The following TENM3 variants were observed in gnomAD, a reference collection of about 807,000 sequenced individuals.
The protein encoded by TENM3 is teneurin transmembrane protein 3.
TENM3 carries 63 observed loss-of-function variants against 255.1 expected under a neutral mutation model. The ratio of observed to expected loss-of-function variants is 0.25; its 90% CI spans 0.20 to 0.30. TENM3 has a LOEUF of 0.30. Among genes scored for constraint, TENM3 ranks in the 10% least tolerant of loss-of-function variants. The probability of loss-of-function intolerance (pLI) is 1.00; values close to 1 mark genes in which losing one functional copy is unlikely to be tolerated. For missense variants in TENM3, 2,929 were observed against 3,461.1 expected, an observed-to-expected ratio of 0.85 and a Z score of 3.86; for synonymous variants, 1,306 against 1,322.3, an observed-to-expected ratio of 0.99 and a Z score of 0.27.
At chr4:181,840,795 T>C in the TENM3 span, among the ~76,000 whole-genome samples, 5 of 152,068 alleles carry the variant, frequency 3.3e-5, no homozygotes, top group African/African-American at 2.4e-5. Flanking sequence ...TTCTAGAAGA[T>C]AGGAGAACAC....
rs1321280958 is a variant in TENM3, at chr4:182,736,789, C to A, written c.2968-19C>A. 20 of 1,603,878 alleles carry A rather than the reference C, an allele frequency of 1.2e-5. No homozygotes were observed. The highest frequency in any genetic ancestry group is 1.7e-5 in the Non-Finnish European group (20 of 1,175,572). On this transcript the variant is annotated intron_variant, in intron 16 of 27. Transcript: ENST00000511685. ...CATACGTGATCACAGTTTGAAACTT[C>A]TGCTTTATTCAAACTTAGGTACTCC...
At chr4:181,530,827 G>A in the TENM3 span, among the ~76,000 whole-genome samples, 2 of 152,286 alleles carry the variant, frequency 1.3e-5, no homozygotes, top group South Asian at 2.1e-4. Context: ...ATGTATGTAC[G>A]TGGGTCATGT....
intron 3 of TENM3, among the ~76,000 whole-genome samples, chr4:182,570,583 C>G (rs1381917337): frequency 1.3e-5 from 2 of 152,216 alleles, no homozygotes; most frequent in African/African-American, 4.8e-5. Context: ...GGCGTGGTGG[C>G]TCACGCCTGT....
At chr4:182,031,142 G>C in the TENM3 span, among the ~76,000 whole-genome samples, 1 of 152,164 alleles carries the variant, frequency 6.6e-6, no homozygotes, top group Non-Finnish European at 1.5e-5. Context: ...CCTATGTCCT[G>C]AATGGTATTT....
intron 1 of TENM3, among the ~76,000 whole-genome samples, chr4:182,200,760 A>C (rs761674956): frequency 6.6e-6 from 1 of 151,818 alleles, no homozygotes. Context: ...GTCAATTGCT[A>C]TGAAATGAGC....
chr4:181,508,625 C>G, the TENM3 span, among the ~76,000 whole-genome samples: 4 of 152,242 alleles, frequency 2.6e-5, no homozygotes, highest in Admixed American at 2.6e-4. Context: ...AACTGTCCGT[C>G]GGCTCTGAAG....
chr4:181,496,618 T>C, the TENM3 span, among the ~76,000 whole-genome samples: 2 of 152,242 alleles, frequency 1.3e-5, no homozygotes, highest in African/African-American at 4.8e-5. Flanking sequence ...TCATAGTTTA[T>C]CTGAATTCAA....
At chr4:181,628,163 G>T in the TENM3 span, among the ~76,000 whole-genome samples, 2 of 152,030 alleles carry the variant, frequency 1.3e-5, no homozygotes, top group African/African-American at 4.8e-5. Context: ...TCCTATCCTT[G>T]GCCCACTTTT....
chr4:182,773,879 A>G lies in TENM3; in HGVS notation c.5068+232A>G, dbSNP rs185810164. ...TGGAATAGTGTCTGTTTCCATTCCC[A>G]TGTATTAAAACAACTTCATTCCAGC... On this transcript the variant is annotated intron_variant, in intron 23 of 27. Coordinates refer to ENST00000511685, the MANE Select transcript of TENM3 (RefSeq NM_001080477.4). The G allele has an allele frequency of 3.0e-3, 1,089 of 368,572 alleles. 7 individuals are homozygous for G. The highest frequency in any genetic ancestry group is 0.021 in the African/African-American group (1,012 of 48,168). 22.8% of individuals were successfully genotyped at this position (368,572 alleles called of 1,614,324 possible). A position where few individuals can be genotyped will look rare whatever the true frequency, so the allele number is the denominator to read the frequency against.
the TENM3 span, among the ~76,000 whole-genome samples, chr4:181,451,909 G>T: frequency 6.6e-6 from 1 of 151,902 alleles, no homozygotes; most frequent in Non-Finnish European, 1.5e-5. Flanking sequence ...GAGAACATAG[G>T]GAGATTTTTT....
intron 1 of TENM3, among the ~76,000 whole-genome samples, chr4:182,214,251 G>A (rs1168237354): frequency 6.6e-6 from 1 of 152,048 alleles, no homozygotes; most frequent in Non-Finnish European, 1.5e-5. Flanking sequence ...TACCCCTTAT[G>A]TTTCTTAAAT....
the TENM3 span, among the ~76,000 whole-genome samples, chr4:181,483,195 A>G: frequency 1.3e-5 from 2 of 152,136 alleles, no homozygotes; most frequent in Admixed American, 6.6e-5. Flanking sequence ...GTTTCAGACT[A>G]AATTGTCCAG....
chr4:181,452,162 G>A, the TENM3 span, among the ~76,000 whole-genome samples: 1 of 152,130 alleles, frequency 6.6e-6, no homozygotes, highest in Non-Finnish European at 1.5e-5. Flanking sequence ...TGATAGAAGA[G>A]TGGGCAAAAT....
At chr4:182,099,970 G>A in the TENM3 span, among the ~76,000 whole-genome samples, 1 of 152,100 alleles carries the variant, frequency 6.6e-6, no homozygotes, top group African/African-American at 2.4e-5. Context: ...TAAAACTCCT[G>A]TCCCGCAAGA....
intron 19 of TENM3, among the ~76,000 whole-genome samples, chr4:182,744,988 G>T (rs1160342263): frequency 2.0e-5 from 3 of 151,988 alleles, no homozygotes; most frequent in Non-Finnish European, 2.9e-5. Context: ...AGTAAAGCTG[G>T]CAAAAAGCTA....
the TENM3 span, among the ~76,000 whole-genome samples, chr4:181,991,228 A>T: frequency 1.3e-5 from 2 of 152,164 alleles, no homozygotes; most frequent in Admixed American, 6.6e-5. Flanking sequence ...ACAAATGAAA[A>T]AAATTGAGAA....
At chr4:182,787,414 T>A (rs1765754406) in intron 24 of TENM3, among the ~76,000 whole-genome samples, 1 of 152,064 alleles carries the variant, frequency 6.6e-6, no homozygotes, top group African/African-American at 2.4e-5. Flanking sequence ...TTTGCCCACA[T>A]CAGCTGATAG....
the TENM3 span, among the ~76,000 whole-genome samples, chr4:181,624,020 T>G: frequency 6.6e-6 from 1 of 152,208 alleles, no homozygotes; most frequent in East Asian, 1.9e-4. Context: ...GGAGTGAAAT[T>G]GCCTTTTTGA....
chr4:182,512,427 A>G (rs933274418), intron 3 of TENM3, among the ~76,000 whole-genome samples: 3 of 152,212 alleles, frequency 2.0e-5, no homozygotes, highest in African/African-American at 7.2e-5. Context: ...AATGAGAAAG[A>G]AAAGCTTTTG....
Sources: allele counts gnomAD v4.1 joint callset (sites outside exome capture counted in the v4.1 genomes callset), GRCh38; gene constraint gnomAD v4.1.1; transcripts MANE v1.5; gene names NCBI Gene and HGNC (gene_info 2026-07-23, HGNC 2026-07-21).